The following MTUS1 variants were observed in gnomAD, a reference collection of about 807,000 sequenced individuals.
The protein encoded by MTUS1 is microtubule associated scaffold protein 1, also known as microtubule-associated tumor suppressor 1.
MTUS1 carries 109 observed loss-of-function variants against 120.8 expected under a neutral mutation model. The observed-to-expected ratio is 0.90, with a 90% CI of 0.77 to 1.06. The LOEUF (loss-of-function observed/expected upper bound fraction) is 1.06. MTUS1 is among the 50% of genes least tolerant of loss of function. MTUS1 has a pLI of 0.00. For missense variants in MTUS1, 2,210 were observed against 1,486.3 expected (o/e 1.49, Z -8.01); for synonymous variants, 737 against 550.5 (o/e 1.34, Z -4.74).
intron 6 of MTUS1, among the ~76,000 whole-genome samples, chr8:17,691,693 C>T (rs1816970324): frequency 1.3e-5 from 2 of 152,092 alleles, no homozygotes; most frequent in South Asian, 2.1e-4. Flanking sequence ...CACGCAAATG[C>T]TAATATATGT....
chr8:17,681,509 T>A (rs1289273155), intron 7 of MTUS1: 2 of 154,766 alleles, frequency 1.3e-5, no homozygotes, highest in Non-Finnish European at 2.9e-5. Context: ...ATTTTCATAT[T>A]TGTAAATTCC....
At chr8:17,686,705 A>C (rs905103880) in intron 6 of MTUS1, among the ~76,000 whole-genome samples, 7 of 152,160 alleles carry the variant, frequency 4.6e-5, no homozygotes, top group Non-Finnish European at 8.8e-5. Context: ...TTTTATATTA[A>C]TATTTTGGAG....
At chr8:17,784,846 G>A (rs2051168571) in intron 1 of MTUS1, among the ~76,000 whole-genome samples, 1 of 151,334 alleles carries the variant, frequency 6.6e-6, no homozygotes, top group African/African-American at 2.4e-5. Flanking sequence ...GTACAGTGGT[G>A]CAATCTTGGC....
At chr8:17,650,020 A>G in intron 12 of MTUS1, 58 bp from the exon 13 acceptor site, 4 of 917,576 alleles carry the variant, frequency 4.4e-6, no homozygotes, top group Non-Finnish European at 7.2e-6. Context: ...TTCTTAACAG[A>G]AAGAATCTTT....
intron 4 of MTUS1, among the ~76,000 whole-genome samples, chr8:17,721,100 C>G (rs1042278297): frequency 6.6e-6 from 1 of 152,110 alleles, no homozygotes; most frequent in Non-Finnish European, 1.5e-5. Flanking sequence ...CTAAAGATAT[C>G]ACATCACAAA....
rs780896740 is a variant in MTUS1, at chr8:17,755,284, T to G, written c.524A>C (p.His175Pro). Residue 175 changes from histidine to proline, a missense_variant, in exon 2 of 15, where the codon CAT (histidine) becomes CCT (proline). Transcript: ENST00000693296. The stretch of plus-strand genomic sequence containing the variant: ...GGACTGACTCTTTCCGATGGCATGA[T>G]GTGATATAAAGGTGCAGTTAACTTT... ...VDKVNCTFIS[H>P]HAIGKSQSFH... The G allele has an allele frequency of 9.9e-6, 16 of 1,614,252 alleles. No individual in the cohort carries two copies. Among genetic ancestry groups the G allele is most frequent in the Non-Finnish European group, 1.4e-5 (16 of 1,180,038 alleles).
At chr8:17,675,960 C>G (rs543126264) in intron 7 of MTUS1, 254 of 257,548 alleles carry the variant, frequency 9.9e-4, no homozygotes, top group African/African-American at 5.4e-3. Flanking sequence ...CAGCAACTCC[C>G]GGCAATCACA....
At position 17,653,421 on chromosome 8, in the gene MTUS1, C is replaced by T. The variant is rs774289385; in HGVS notation, c.3288+4G>A. On this transcript the variant is annotated splice_donor_region_variant and intron_variant, in intron 11 of 14. Coordinates refer to ENST00000693296, the MANE Select transcript of MTUS1 (RefSeq NM_001363059.2). Reference sequence around the variant, plus strand: ...GGGATACTGGGATATTGACATTCACCCACCTCTAGCGATTCCTGCTTCTCA... The same window carrying T: ...GGGATACTGGGATATTGACATTCACTCACCTCTAGCGATTCCTGCTTCTCA... The T allele has an allele frequency of 5.6e-6, 9 of 1,601,862 alleles. No individual in the cohort carries two copies. The highest frequency in any genetic ancestry group is 7.7e-6 in the Non-Finnish European group (9 of 1,174,064).
intron 6 of MTUS1, among the ~76,000 whole-genome samples, chr8:17,701,829 G>C (rs571068073): frequency 1.3e-5 from 2 of 152,084 alleles, no homozygotes; most frequent in African/African-American, 4.8e-5. Flanking sequence ...GATTACAAGC[G>C]TGAGCCACCG....
chr8:17,722,430 T>C (rs1372799215), intron 4 of MTUS1: 2 of 985,298 alleles, frequency 2.0e-6, no homozygotes, highest in Non-Finnish European at 2.4e-6. Flanking sequence ...CCTTTTCAAA[T>C]TCAGAGTTCC....
chr8:17,787,919 A>C (rs1050304624), intron 1 of MTUS1, among the ~76,000 whole-genome samples: 1 of 152,222 alleles, frequency 6.6e-6, no homozygotes, highest in Admixed American at 6.5e-5. Flanking sequence ...AAGGAGTTCA[A>C]GACCAGCCTG....
At chr8:17,657,516 C>T (rs1315608506) in intron 8 of MTUS1, among the ~76,000 whole-genome samples, 3 of 149,520 alleles carry the variant, frequency 2.0e-5, no homozygotes, top group Non-Finnish European at 4.5e-5. Flanking sequence ...TGCAGTGAGC[C>T]GAGATCCCGC....
At chr8:17,709,864 G>C (rs564263973) in intron 6 of MTUS1, among the ~76,000 whole-genome samples, 1 of 151,820 alleles carries the variant, frequency 6.6e-6, no homozygotes. Context: ...AAAATTAGCC[G>C]GGCATGGTGG....
chr8:17,742,792 G>A (rs1480809866), intron 3 of MTUS1, among the ~76,000 whole-genome samples: 4 of 152,142 alleles, frequency 2.6e-5, no homozygotes, highest in African/African-American at 7.2e-5. Flanking sequence ...GGATTTGCTC[G>A]CTTTCATTAG....
intron 1 of MTUS1, among the ~76,000 whole-genome samples, chr8:17,797,247 T>G (rs1022390476): frequency 7.1e-6 from 1 of 141,086 alleles, no homozygotes; most frequent in East Asian, 2.1e-4. Context: ...ACCTTGTCTC[T>G]ACAAAAAATA....
At chr8:17,724,261 T>C in intron 3 of MTUS1, 1 of 292,792 alleles carries the variant, frequency 3.4e-6, no homozygotes, top group Non-Finnish European at 6.6e-6. Context: ...AAGAAATAAA[T>C]AAGAACCAAG....
At chr8:17,676,116 C>G (rs901369375) in intron 7 of MTUS1, 3 of 604,150 alleles carry the variant, frequency 5.0e-6, no homozygotes, top group African/African-American at 1.8e-5. Context: ...CAAGACGGAG[C>G]TCCCACCACA....
In MTUS1 at chr8:17,703,125, G is replaced by T. The variant is rs188451198; in HGVS notation, c.2623+10089C>A. On this transcript the variant is annotated intron_variant, in intron 6 of 14. Transcript: ENST00000693296. ...ATAACAGTGATTTTAGGGAACAAGG[G>T]AAGACAACCATAAGGTCTGACTGCC... 3.1e-3 allele frequency among the ~76,000 whole-genome samples: 477 copies of T among 152,272 alleles called. 1 individual carries two copies. Among genetic ancestry groups the T allele is most frequent in the African/African-American group, 0.011 (442 of 41,554 alleles).
At chr8:17,714,952 C>T (rs1475310052) in intron 5 of MTUS1, among the ~76,000 whole-genome samples, 1 of 121,840 alleles carries the variant, frequency 8.2e-6, no homozygotes, top group African/African-American at 3.2e-5. Flanking sequence ...GTCACCCAGG[C>T]GGGAGTGCAG....
Sources: allele counts gnomAD v4.1 joint callset (sites outside exome capture counted in the v4.1 genomes callset), GRCh38; gene constraint gnomAD v4.1.1; transcripts MANE v1.5; gene names NCBI Gene and HGNC (gene_info 2026-07-23, HGNC 2026-07-21).